LHX2: variants seen among roughly 807,000 people sequenced by gnomAD.
The protein encoded by LHX2 is LIM/homeobox protein Lhx2.
LHX2 carries 6 observed loss-of-function variants against 33.0 expected under a neutral mutation model. The observed-to-expected ratio is 0.18, with a 90% CI of 0.10 to 0.36. The LOEUF (loss-of-function observed/expected upper bound fraction) is 0.36. Ranked by LOEUF, LHX2 falls within the 10% of genes least tolerant of loss-of-function variation. LHX2 has a pLI of 1.00. For missense variants in LHX2, 442 were observed against 586.2 expected (o/e 0.75, Z 2.54); for synonymous variants, 292 against 253.1 (o/e 1.15, Z -1.46).
intron 4 of LHX2, among the ~76,000 whole-genome samples, chr9:124,022,823 C>T (rs766904050): frequency 1.3e-5 from 2 of 152,252 alleles, no homozygotes; most frequent in African/African-American, 2.4e-5. Flanking sequence ...GCTCCCGAGG[C>T]GCCCCCTTGA....
In LHX2 at chr9:124,032,522, C is replaced by T. The variant is rs751314499; in HGVS notation, c.1036C>T (p.Pro346Ser). 12 of 1,613,874 alleles carry T rather than the reference C, an allele frequency of 7.4e-6. No homozygotes were observed. The highest frequency in any genetic ancestry group is 2.2e-5 in the East Asian group (1 of 44,878). The change falls in exon 5 of 5, where the codon CCA becomes TCA. Residue 346 changes from proline (P) to serine (S), a missense_variant. Around this residue, in one of 5 missense-constraint regions of LHX2, gnomAD observed 109 missense variants for 98.7 expected, o/e 1.10. Coordinates refer to ENST00000373615, the MANE Select transcript of LHX2 (RefSeq NM_004789.4). This position sits in a 1 kb window ranked among gnomAD's most constrained non-coding sequence, Gnocchi z 4.1. The part of the protein sequence containing the change: ...STDAALQTGT[P>S]SGPASELSNA... The stretch of plus-strand genomic sequence containing the variant: ...AGACGCGGCGCTGCAGACAGGGACG[C>T]CATCGGGCCCGGCCTCGGAGCTCTC...
At chr9:124,019,846 C>T (rs149105352) in intron 3 of LHX2, among the ~76,000 whole-genome samples, 11 of 152,280 alleles carry the variant, frequency 7.2e-5, no homozygotes, top group Admixed American at 2.6e-4. Context: ...TGGCATGGCT[C>T]GGGAGGTGCC....
rs1370650959 is a variant in LHX2 at position 124,014,906 on chromosome 9, C to A, written c.324-216C>A. ...CGGAGACTCTGGGTGAAGTAGAAGT[C>A]TCTGTAGGCATAAGTGTGTTAAGGG... On this transcript the variant is annotated intron_variant, in intron 2 of 4. Coordinates refer to ENST00000373615, the MANE Select transcript of LHX2 (RefSeq NM_004789.4). This position sits in a 1 kb window ranked among gnomAD's most constrained non-coding sequence, Gnocchi z 4.8. 6.6e-6 allele frequency among the ~76,000 whole-genome samples: 1 copy of A among 152,162 alleles called. No individual in the cohort carries two copies. Among genetic ancestry groups the A allele is most frequent in the Non-Finnish European group, 1.5e-5 (1 of 68,030 alleles).
In LHX2 at chr9:124,016,938, G is replaced by A. The variant is rs1859201232; in HGVS notation, c.727+1413G>A. On this transcript the variant is annotated intron_variant, in intron 3 of 4. Transcript: ENST00000373615. This position sits in a 1 kb window ranked among gnomAD's most constrained non-coding sequence, Gnocchi z 4.4. ...TTATCAAGTGGGTCAACTTCCACTC[G>A]GAAGCACCTCGCGGGGCTCGGCTCC... Among the ~76,000 whole-genome samples, 1 of 152,150 alleles carries A rather than the reference G, an allele frequency of 6.6e-6. No homozygotes were observed. Among genetic ancestry groups the A allele is most frequent in the Admixed American group, 6.5e-5 (1 of 15,276 alleles).
Position 124,012,326 on chromosome 9 carries a change from C to T in LHX2, c.-23C>T. On this transcript the variant is annotated 5_prime_UTR_variant, in exon 1 of 5. Transcript: ENST00000373615. This position sits in a 1 kb window ranked among gnomAD's most constrained non-coding sequence, Gnocchi z 4.3. ...GCCCTCCCTCGGAGGAGCCGCGCCCCCGGCCCCGCCGGTCCCGCCGCGATG... is the reference window on the plus strand; with the variant it reads ...GCCCTCCCTCGGAGGAGCCGCGCCCTCGGCCCCGCCGGTCCCGCCGCGATG... The T allele has an allele frequency of 6.7e-7, 1 of 1,486,174 alleles. No individual in the cohort carries two copies. The highest frequency in any genetic ancestry group is 2.9e-5 in the East Asian group (1 of 34,064). 92.1% of individuals were successfully genotyped at this position (1,486,174 alleles called of 1,614,324 possible). A position where few individuals can be genotyped will look rare whatever the true frequency, so the allele number is the denominator to read the frequency against.
chr9:124,022,376 AG>A (rs1303116003), intron 4 of LHX2, among the ~76,000 whole-genome samples: 1 of 152,212 alleles, frequency 6.6e-6, no homozygotes, highest in Non-Finnish European at 1.5e-5. Context: ...CACTAGTATG[AG>A]CAATTATTCT....
chr9:124,025,369 A>G (rs886966005), intron 4 of LHX2, among the ~76,000 whole-genome samples: 6 of 144,478 alleles, frequency 4.2e-5, no homozygotes, highest in African/African-American at 8.0e-5. Flanking sequence ...TGAACCCGGG[A>G]GGCGGAGCTT....
Position 124,032,574 on chromosome 9 carries a change from C to T in LHX2, c.1088C>T (p.Thr363Met). 2 of 1,614,178 alleles carry T rather than the reference C, an allele frequency of 1.2e-6. No individual in the cohort carries two copies. Among genetic ancestry groups the T allele is most frequent in the African/African-American group, 1.3e-5 (1 of 75,038 alleles). Residue 363 changes from threonine to methionine, a missense_variant, in exon 5 of 5, where the codon ACG becomes ATG. Thr to Met is a moderately conservative substitution (Grantham distance 81, BLOSUM62 -1). This residue lies in a region of LHX2 where 109 missense variants were observed against 98.7 expected (regional missense o/e 1.10). Transcript: ENST00000373615. The surrounding 1 kb of genome is among the most constrained non-coding windows in gnomAD (Gnocchi z 4.1). ...LSNASLSPSS[T>M]PTTLTDLTSP... ...AACGCCTCGCTCAGCCCCTCCAGCACGCCCACCACCCTGACAGACTTGACT... is the reference window on the plus strand; with the variant it reads ...AACGCCTCGCTCAGCCCCTCCAGCATGCCCACCACCCTGACAGACTTGACT...
Position 124,015,586 on chromosome 9 carries a change from G to T in LHX2, c.727+61G>T. On this transcript the variant is annotated intron_variant, in intron 3 of 4. Coordinates refer to ENST00000373615, the MANE Select transcript of LHX2 (RefSeq NM_004789.4). The surrounding 1 kb of genome is among the most constrained non-coding windows in gnomAD (Gnocchi z 7.9). ...TGGGGGAAAGTGTGCGGCCTCGACG[G>T]CCGGGAGCTGGATTGAATCTCTGTG... 2 of 1,427,482 alleles carry T rather than the reference G, an allele frequency of 1.4e-6. No individual in the cohort carries two copies. The highest frequency in any genetic ancestry group is 1.8e-6 in the Non-Finnish European group (2 of 1,082,134). 88.4% of individuals were successfully genotyped at this position (1,427,482 alleles called of 1,614,324 possible).
At chr9:124,027,701 C>T (rs1828647718) in intron 4 of LHX2, among the ~76,000 whole-genome samples, 1 of 152,028 alleles carries the variant, frequency 6.6e-6, no homozygotes, top group South Asian at 2.1e-4. Flanking sequence ...GCTTGTATTC[C>T]CAGCTACTTG....
chr9:124,026,721 C>T (rs7035028), intron 4 of LHX2, among the ~76,000 whole-genome samples: 57,971 of 151,958 alleles, frequency 0.38, 11,808 homozygotes, highest in Admixed American at 0.48. Context: ...TCTAACATTT[C>T]CCAAATTTTA....
At chr9:124,018,032 C>G (rs1159281557) in intron 3 of LHX2, among the ~76,000 whole-genome samples, 2 of 151,890 alleles carry the variant, frequency 1.3e-5, no homozygotes, top group East Asian at 1.9e-4. Flanking sequence ...CGGCCTCCCC[C>G]AGCCCCAGCT....
Position 124,023,879 on chromosome 9 carries a change from G to A in LHX2, c.933+2575G>A, listed in dbSNP as rs576614682. Among the ~76,000 whole-genome samples the A allele has an allele frequency of 1.1e-4, 16 of 152,254 alleles. No homozygotes were observed. In the East Asian group the frequency reaches 3.1e-3, roughly 29 times the overall value. On this transcript the variant is annotated intron_variant, in intron 4 of 4. Coordinates refer to ENST00000373615, the MANE Select transcript of LHX2 (RefSeq NM_004789.4). ...GTACAGTTTCCTCATGGTGTGATCC[G>A]TTGGGGCACCTACTGAGGGAGCCCA...
At chr9:124,028,910 C>T (rs1285440368) in intron 4 of LHX2, among the ~76,000 whole-genome samples, 2 of 152,150 alleles carry the variant, frequency 1.3e-5, no homozygotes, top group Non-Finnish European at 2.9e-5. Flanking sequence ...GAGTTCAAGA[C>T]CAGCCTGGCC....
chr9:124,016,183 C>G lies in LHX2; in HGVS notation c.727+658C>G, dbSNP rs1056161997. ...AGGGCCGTGACCCTCGGAAGCGAGC[C>G]CCCCGGGCGGGGACGAGACCGGAGC... On this transcript the variant is annotated intron_variant, in intron 3 of 4. Transcript: ENST00000373615. This position sits in a 1 kb window ranked among gnomAD's most constrained non-coding sequence, Gnocchi z 4.4. Among the ~76,000 whole-genome samples, 1 of 152,062 alleles carries G rather than the reference C, an allele frequency of 6.6e-6. No individual in the cohort carries two copies.
rs1039349088 is a variant in LHX2 at position 124,012,865 on chromosome 9, G to A, written c.120+397G>A. Among the ~76,000 whole-genome samples, 5 of 152,220 alleles carry A rather than the reference G, an allele frequency of 3.3e-5. No individual in the cohort carries two copies. The highest frequency in any genetic ancestry group is 9.6e-5 in the African/African-American group (4 of 41,460). On this transcript the variant is annotated intron_variant, in intron 1 of 4. Transcript: ENST00000373615. This position sits in a 1 kb window ranked among gnomAD's most constrained non-coding sequence, Gnocchi z 4.3. ...CCAGGGAAGGGCGAACCAGCTGGGA[G>A]CATTGGGGCTCCAGCCGGCTTGGGC... is the stretch of plus-strand genomic sequence containing the variant.
chr9:124,025,088 A>G (rs1007971366), intron 4 of LHX2, among the ~76,000 whole-genome samples: 1 of 152,174 alleles, frequency 6.6e-6, no homozygotes, highest in Non-Finnish European at 1.5e-5. Context: ...AATACTCACT[A>G]TCAGTGGGCA....
chr9:124,021,426 T>C, intron 4 of LHX2, 122 bp downstream of exon 4: 1 of 769,138 alleles, frequency 1.3e-6, no homozygotes, highest in South Asian at 1.8e-5. Context: ...GTGTGTTTAA[T>C]CTTTCTCATT....
At chr9:124,025,427 T>G (rs7873464) in intron 4 of LHX2, among the ~76,000 whole-genome samples, 2 of 138,230 alleles carry the variant, frequency 1.4e-5, no homozygotes, top group Non-Finnish European at 3.1e-5. Flanking sequence ...GGCGACAGAG[T>G]GAGACTCTGT....
Sources: allele counts gnomAD v4.1 joint callset (sites outside exome capture counted in the v4.1 genomes callset), GRCh38; gene constraint gnomAD v4.1.1; regional missense constraint gnomAD v4.1.1; non-coding constraint Gnocchi (gnomAD v3.1); transcripts MANE v1.5; gene names NCBI Gene and HGNC (gene_info 2026-07-23, HGNC 2026-07-21).